Variants in CNTRL observed in about 807,000 individuals in gnomAD.
The protein encoded by CNTRL is centriolin.
In CNTRL, 233 loss-of-function variants were observed where a neutral mutation model predicts 303.7. The observed-to-expected ratio is 0.77, with a 90% CI of 0.69 to 0.86. The LOEUF (loss-of-function observed/expected upper bound fraction) is 0.86, where lower values mean the gene tolerates loss of function less well. Ranked by LOEUF, CNTRL falls within the 40% of genes least tolerant of loss-of-function variation. CNTRL has a pLI of 0.00. For synonymous variants in CNTRL, 900 were observed against 922.2 expected (o/e 0.98, Z 0.44); for missense variants, 2,524 against 2,650.6 (o/e 0.95, Z 1.05).
At chr9:121,171,150 A>G (rs2131893237) in intron 39 of CNTRL, 1 of 521,534 alleles carries the variant, frequency 1.9e-6, no homozygotes, top group East Asian at 3.8e-5. Context: ...TATTATTCTC[A>G]TTTTACAGAC....
In CNTRL at chr9:121,154,867, G is replaced by C. The variant is rs144738756; in HGVS notation, c.4319G>C (p.Arg1440Pro). 3,228 of 1,614,162 alleles carry C rather than the reference G, an allele frequency of 2.0e-3. 6 individuals carry two copies. Among genetic ancestry groups the C allele is most frequent in the Admixed American group, 2.5e-3 (151 of 60,026 alleles). ...CGCTCAGAGCTCAGGGAAGCTGACCGACTCCTGGCAGAGGCTGAGAGTGAA... is the reference window on the plus strand; with the variant it reads ...CGCTCAGAGCTCAGGGAAGCTGACCCACTCCTGGCAGAGGCTGAGAGTGAA... ...KRRSELREAD[R>P]LLAEAESELS... is the part of the protein sequence containing the mutation. Residue 1440 changes from arginine (R) to proline (P), a missense_variant, in exon 27 of 44, where the codon CGA becomes CCA. Arg to Pro is a moderately radical substitution (Grantham distance 103). Coordinates refer to ENST00000373855, the MANE Select transcript of CNTRL (RefSeq NM_007018.6).
chr9:121,143,444 C>T (rs898621670), intron 19 of CNTRL, among the ~76,000 whole-genome samples: 3 of 152,178 alleles, frequency 2.0e-5, no homozygotes, highest in African/African-American at 7.2e-5. Flanking sequence ...TCAGTCTCCC[C>T]TCCTGTAGCT....
At chr9:121,103,154 C>T (rs2049269844) in intron 7 of CNTRL, among the ~76,000 whole-genome samples, 2 of 152,214 alleles carry the variant, frequency 1.3e-5, no homozygotes, top group Non-Finnish European at 2.9e-5. Flanking sequence ...AACTATACTA[C>T]AAGGCTACAG....
intron 14 of CNTRL, among the ~76,000 whole-genome samples, chr9:121,127,549 A>G (rs2050599215): frequency 6.6e-6 from 1 of 151,934 alleles, no homozygotes; most frequent in Admixed American, 6.6e-5. Context: ...GAAAGTTGCA[A>G]GAGGAATACA....
intron 43 of CNTRL, 113 bp from the exon 44 acceptor site, chr9:121,177,050 C>T: frequency 2.5e-6 from 2 of 794,258 alleles, no homozygotes; most frequent in East Asian, 2.8e-5. Context: ...AACATTTTTC[C>T]AAAGAGGTAC....
chr9:121,150,123 TA>T, intron 24 of CNTRL, 46 bp from the exon 25 acceptor site: 3 of 1,492,356 alleles, frequency 2.0e-6, no homozygotes, highest in Non-Finnish European at 9.1e-7. Context: ...ACCATGGGGG[TA>T]AAACACTCTT....
At chr9:121,140,421 T>C (rs1450473517) in intron 16 of CNTRL, among the ~76,000 whole-genome samples, 1 of 152,250 alleles carries the variant, frequency 6.6e-6, no homozygotes, top group Non-Finnish European at 1.5e-5. Flanking sequence ...GAACAGGCAC[T>C]TGAAAACATG....
rs1237618834 is a variant in CNTRL, at chr9:121,090,262, T to C, written c.218-13T>C. ...TTTCCTCTACTGATGATGATCTGTT[T>C]CTATAATTTCAGGAGCTGATTCACA... On this transcript the variant is annotated splice_polypyrimidine_tract_variant and intron_variant, in intron 3 of 43. Coordinates refer to ENST00000373855, the MANE Select transcript of CNTRL (RefSeq NM_007018.6). 2 of 1,589,204 alleles carry C rather than the reference T, an allele frequency of 1.3e-6. No individual in the cohort carries two copies. Among genetic ancestry groups the C allele is most frequent in the Middle Eastern group, 1.7e-4 (1 of 5,964 alleles).
At chr9:121,121,865 A>G (rs2050247969) in intron 12 of CNTRL, 2 of 985,238 alleles carry the variant, frequency 2.0e-6, no homozygotes, top group Non-Finnish European at 2.4e-6. Flanking sequence ...AGTGCACATG[A>G]ATTTGAAGAC....
At chr9:121,158,619 T>A in intron 30 of CNTRL, 1 of 432,384 alleles carries the variant, frequency 2.3e-6, no homozygotes, top group Non-Finnish European at 4.1e-6. Flanking sequence ...TGAGGGATGA[T>A]CATGATTATC....
intron 34 of CNTRL, among the ~76,000 whole-genome samples, chr9:121,164,002 C>A (rs1236070829): frequency 6.6e-6 from 1 of 151,844 alleles, no homozygotes; most frequent in African/African-American, 2.4e-5. Context: ...GTAGCTGGGA[C>A]TACAGGCACC....
chr9:121,106,763 T>A (rs2049497369), intron 7 of CNTRL, among the ~76,000 whole-genome samples: 1 of 152,178 alleles, frequency 6.6e-6, no homozygotes, highest in Admixed American at 6.5e-5. Flanking sequence ...TTGAGAAACA[T>A]GGCAAGTTTT....
chr9:121,128,229 C>T (rs1250129029), intron 14 of CNTRL, among the ~76,000 whole-genome samples: 1 of 152,168 alleles, frequency 6.6e-6, no homozygotes, highest in East Asian at 1.9e-4. Flanking sequence ...CATTGTCTTC[C>T]ACAAAGGTTG....
chr9:121,140,310 T>C (rs2051429481), intron 16 of CNTRL, among the ~76,000 whole-genome samples: 1 of 152,224 alleles, frequency 6.6e-6, no homozygotes. Flanking sequence ...TTGACTGGCC[T>C]CTAGTCAGAT....
rs781501097 is a variant in CNTRL, at chr9:121,175,283, T to C, written c.6954+59T>C. ...AGCCTGAGGTTGTTTTTTGTCTTTT[T>C]TGAGACAAGGTCTTGCCCTACCGCC... is the stretch of plus-strand genomic sequence containing the variant. On this transcript the variant is annotated intron_variant, in intron 43 of 43. Coordinates refer to ENST00000373855, the MANE Select transcript of CNTRL (RefSeq NM_007018.6). 32 of 1,516,768 alleles carry C rather than the reference T, an allele frequency of 2.1e-5. No homozygotes were observed. The South Asian group carries it at 3.6e-4, about 17-fold the overall frequency. The allele number at this position is 1,516,768 out of a possible 1,614,324, so 94.0% of individuals were successfully genotyped here. A position where few individuals can be genotyped will look rare whatever the true frequency, so the allele number is the denominator to read the frequency against.
At chr9:121,102,203 T>C (rs1305834148) in intron 7 of CNTRL, among the ~76,000 whole-genome samples, 5 of 152,190 alleles carry the variant, frequency 3.3e-5, no homozygotes, top group Non-Finnish European at 5.9e-5. Flanking sequence ...TTATCCACCA[T>C]GATCAAGTGG....
chr9:121,112,186 A>G (rs1247271375), intron 8 of CNTRL, among the ~76,000 whole-genome samples: 4 of 152,210 alleles, frequency 2.6e-5, no homozygotes, highest in African/African-American at 9.6e-5. Flanking sequence ...ATGTTTAACA[A>G]ATTTAAGTGA....
chr9:121,102,913 G>A (rs1454509408), intron 7 of CNTRL, among the ~76,000 whole-genome samples: 1 of 152,152 alleles, frequency 6.6e-6, no homozygotes, highest in African/African-American at 2.4e-5. Context: ...ACAAACAAAT[G>A]GAGGAACATT....
At chr9:121,127,738 G>A (rs148555607) in intron 14 of CNTRL, among the ~76,000 whole-genome samples, 10,819 of 151,600 alleles carry the variant, frequency 0.071, 479 homozygotes, top group Non-Finnish European at 0.11. Flanking sequence ...TTGGTTTGCT[G>A]CACCCATTAA....
Sources: gnomAD v4.1 joint callset for allele counts (sites outside exome capture counted in the v4.1 genomes callset) on GRCh38, gnomAD v4.1.1 for gene constraint, MANE v1.5 for transcripts, NCBI Gene and HGNC (gene_info 2026-07-23, HGNC 2026-07-21) for gene names.